The following F13A1 variants were observed in gnomAD, a reference collection of about 807,000 sequenced individuals.
F13A1 encodes the protein FSF, A subunit.
Under a neutral mutation model 80.1 loss-of-function variants are expected in F13A1, and 47 were observed. The observed-to-expected ratio is 0.59, with a 90% CI of 0.46 to 0.75. The LOEUF (loss-of-function observed/expected upper bound fraction) is 0.75. Ranked by LOEUF, F13A1 falls within the 30% of genes least tolerant of loss-of-function variation. The pLI, the probability that F13A1 is intolerant of heterozygous loss-of-function variation, is 0.00. For synonymous variants in F13A1, 349 were observed against 344.9 expected, an observed-to-expected ratio of 1.01 and a Z score of -0.13; for missense variants, 817 against 930.4, an observed-to-expected ratio of 0.88 and a Z score of 1.59.
At chr6:6,263,707 C>T (rs987556257) in intron 4 of F13A1, among the ~76,000 whole-genome samples, 4 of 152,186 alleles carry the variant, frequency 2.6e-5, no homozygotes, top group African/African-American at 9.7e-5. Context: ...ACCCCCAGTG[C>T]TTCCCCTCCA....
chr6:6,242,036 T>C (rs1020113519), intron 6 of F13A1, among the ~76,000 whole-genome samples: 5 of 152,136 alleles, frequency 3.3e-5, no homozygotes, highest in African/African-American at 1.2e-4. Flanking sequence ...CATTACTGTC[T>C]TTTTCATGCA....
chr6:6,190,008 G>C (rs1326028448), intron 10 of F13A1, among the ~76,000 whole-genome samples: 1 of 152,074 alleles, frequency 6.6e-6, no homozygotes, highest in African/African-American at 2.4e-5. Context: ...TCTTCCAGTT[G>C]ATCGCATCGG....
At chr6:6,259,054 A>C (rs1411434094) in intron 4 of F13A1, among the ~76,000 whole-genome samples, 1 of 152,242 alleles carries the variant, frequency 6.6e-6, no homozygotes, top group Non-Finnish European at 1.5e-5. Flanking sequence ...TTTCACTGCC[A>C]TAGTCCCAGT....
At chr6:6,320,439 C>A (rs1328574166) in intron 1 of F13A1, 148 bp downstream of exon 1, 6 of 289,916 alleles carry the variant, frequency 2.1e-5, no homozygotes, top group Non-Finnish European at 2.8e-5. Context: ...GAGTTGGGGG[C>A]GGGAAGCCAG....
intron 4 of F13A1, among the ~76,000 whole-genome samples, chr6:6,258,718 T>C (rs1176469893): frequency 5.9e-5 from 9 of 152,218 alleles, no homozygotes; most frequent in African/African-American, 2.2e-4. Context: ...CTAGGAAGAA[T>C]GATGCATACT....
At chr6:6,300,769 C>T (rs576835939) in intron 3 of F13A1, among the ~76,000 whole-genome samples, 223 of 151,904 alleles carry the variant, frequency 1.5e-3, no homozygotes, top group Admixed American at 4.7e-3. Flanking sequence ...CTCCTCCCCC[C>T]GAGATTCTTT....
chr6:6,286,072 G>A (rs916606219), intron 3 of F13A1, among the ~76,000 whole-genome samples: 3 of 152,236 alleles, frequency 2.0e-5, no homozygotes, highest in African/African-American at 7.2e-5. Context: ...CAGGAGTAGG[G>A]ACGCAAGACC....
chr6:6,188,898 T>C (rs1761128987), intron 10 of F13A1, among the ~76,000 whole-genome samples: 1 of 73,526 alleles, frequency 1.4e-5, no homozygotes, highest in Non-Finnish European at 2.4e-5. Flanking sequence ...TTTATGAATC[T>C]GGGTGCTCCT....
Position 6,174,730 on chromosome 6 carries a change from CT to C in F13A1, c.1596del (p.Asp533ThrfsTer44). On this transcript the variant is annotated frameshift_variant, in exon 12 of 15. Transcript: ENST00000264870. LOFTEE classifies it high-confidence loss of function. ...CGGAAGGTGATGGAGAGCTTGAAGT[CT>C]TTTCCCAGCACAGCATTTTCCACTT... ...DFEVENAVLG[K>X]DFKLSITFRN... 2 of 1,614,168 alleles carry C rather than the reference CT, an allele frequency of 1.2e-6. No individual in the cohort carries two copies. The highest frequency in any genetic ancestry group is 1.7e-6 in the Non-Finnish European group (2 of 1,180,024).
At position 6,266,582 on chromosome 6, in the gene F13A1, T is replaced by C. The variant is rs1465452934; in HGVS notation, c.547A>G (p.Ile183Val). The change falls in exon 4 of 15, where the codon ATT becomes GTT. Residue 183 changes from isoleucine (I) to valine (V), a missense_variant. By Grantham distance (29) the Ile-to-Val change is conservative (BLOSUM62 3). Transcript: ENST00000264870. ...TSRNPETDTY[I>V]LFNPWCEDDA... ...CCTTCACACCAAGGATTGAAGAGAA[T>C]GTACGTGTCTGTTTCTGGGTTTCGA... 1 of 1,614,232 alleles carries C rather than the reference T, an allele frequency of 6.2e-7. No individual in the cohort carries two copies. The highest frequency in any genetic ancestry group is 8.5e-7 in the Non-Finnish European group (1 of 1,180,028).
At chr6:6,218,535 T>G (rs1583077815) in intron 8 of F13A1, among the ~76,000 whole-genome samples, 1 of 151,978 alleles carries the variant, frequency 6.6e-6, no homozygotes, top group South Asian at 2.1e-4. Flanking sequence ...CCACTTGGGG[T>G]TTCATTTGCT....
At chr6:6,218,201 C>T (rs763155004) in intron 8 of F13A1, among the ~76,000 whole-genome samples, 16 of 152,110 alleles carry the variant, frequency 1.1e-4, no homozygotes, top group Non-Finnish European at 2.2e-4. Context: ...TAGTAAGTGC[C>T]AACGTCTCTG....
At chr6:6,260,501 C>A (rs1163260533) in intron 4 of F13A1, among the ~76,000 whole-genome samples, 1 of 152,204 alleles carries the variant, frequency 6.6e-6, no homozygotes, top group Non-Finnish European at 1.5e-5. Flanking sequence ...AGTTACCAGG[C>A]CATAGCGCTG....
At chr6:6,205,355 C>T (rs1011265039) in intron 8 of F13A1, among the ~76,000 whole-genome samples, 3 of 152,210 alleles carry the variant, frequency 2.0e-5, no homozygotes, top group East Asian at 1.9e-4. Flanking sequence ...TGCTCAGACA[C>T]AGGCATGAAC....
At chr6:6,262,665 T>G (rs1299136093) in intron 4 of F13A1, among the ~76,000 whole-genome samples, 1 of 151,568 alleles carries the variant, frequency 6.6e-6, no homozygotes, top group Admixed American at 6.6e-5. Flanking sequence ...TGCCCTTCCT[T>G]GCTGCTGCTT....
chr6:6,195,004 A>G lies in F13A1; in HGVS notation c.1305+793T>C, dbSNP rs114041155. Reference sequence around the variant, plus strand: ...AATGGTAGGCAAAGTGAAAGACATTATTTCAGTGTATTTACTGGTGCAAAT... The same window carrying G: ...AATGGTAGGCAAAGTGAAAGACATTGTTTCAGTGTATTTACTGGTGCAAAT... On this transcript the variant is annotated intron_variant, in intron 10 of 14. Coordinates refer to ENST00000264870, the MANE Select transcript of F13A1 (RefSeq NM_000129.4). Among the ~76,000 whole-genome samples the G allele has an allele frequency of 3.5e-3, 539 of 152,344 alleles. 4 individuals carry two copies. Among genetic ancestry groups the G allele is most frequent in the African/African-American group, 0.012 (507 of 41,566 alleles).
intron 2 of F13A1, among the ~76,000 whole-genome samples, chr6:6,313,279 C>CTTTTTTTT (rs1331326098): frequency 1.0e-5 from 1 of 100,350 alleles, no homozygotes; most frequent in African/African-American, 4.4e-5. Flanking sequence ...TGCTAAGCCG[C>CTTTTTTTT]CTTTTTTTTT....
At chr6:6,200,116 G>A (rs945727209) in intron 8 of F13A1, among the ~76,000 whole-genome samples, 5 of 152,198 alleles carry the variant, frequency 3.3e-5, no homozygotes, top group Non-Finnish European at 7.3e-5. Context: ...CCCAGGAGGT[G>A]AGGCCTAAGA....
At chr6:6,193,014 G>A (rs1402319590) in intron 10 of F13A1, among the ~76,000 whole-genome samples, 3 of 152,084 alleles carry the variant, frequency 2.0e-5, no homozygotes, top group African/African-American at 7.2e-5. Context: ...TCACCTATTT[G>A]GAAGCCCTAG....
Sources: allele counts gnomAD v4.1 joint callset (sites outside exome capture counted in the v4.1 genomes callset), GRCh38; gene constraint gnomAD v4.1.1; transcripts MANE v1.5; gene names NCBI Gene and HGNC (gene_info 2026-07-23, HGNC 2026-07-21).